The following ESRRG variants were observed in gnomAD, a reference collection of about 807,000 sequenced individuals.
The protein encoded by ESRRG is estrogen-related receptor gamma.
Under a neutral mutation model 44.0 loss-of-function variants are expected in ESRRG, and 13 were observed. The ratio of observed to expected loss-of-function variants is 0.30; its 90% CI spans 0.19 to 0.47. The LOEUF is 0.47. ESRRG is among the 20% of genes least tolerant of loss of function. ESRRG has a pLI of 1.00. For synonymous variants in ESRRG, 215 were observed against 214.6 expected (o/e 1.00, Z -0.02); for missense variants, 395 against 580.6 (o/e 0.68, Z 3.29).
intron 3 of ESRRG, among the ~76,000 whole-genome samples, chr1:216,631,222 A>G (rs533058533): frequency 1.3e-5 from 2 of 152,288 alleles, no homozygotes; most frequent in East Asian, 3.9e-4. Flanking sequence ...CATAAGGCCA[A>G]TTGCATCCCC....
intron 2 of ESRRG, among the ~76,000 whole-genome samples, chr1:216,929,592 C>G (rs142910440): frequency 6.6e-6 from 1 of 152,076 alleles, no homozygotes; most frequent in Non-Finnish European, 1.5e-5. Context: ...ACATTCCAGA[C>G]AGAGAGAATG....
intron 1 of ESRRG, among the ~76,000 whole-genome samples, chr1:217,080,319 A>G (rs2091642158): frequency 6.6e-6 from 1 of 152,122 alleles, no homozygotes; most frequent in African/African-American, 2.4e-5. Flanking sequence ...AGTTGGGTCA[A>G]TTTTACTACC....
At chr1:216,701,129 G>A (rs567401517) in intron 1 of ESRRG, among the ~76,000 whole-genome samples, 570 of 43,638 alleles carry the variant, frequency 0.013, 4 homozygotes, top group African/African-American at 0.041. Flanking sequence ...GCAAGTTTGC[G>A]GAGTTTGGGG....
chr1:217,122,766 G>A (rs897806477), intron 1 of ESRRG, among the ~76,000 whole-genome samples: 1 of 149,450 alleles, frequency 6.7e-6, no homozygotes, highest in Non-Finnish European at 1.5e-5. Flanking sequence ...CGCCTCCTGA[G>A]TTCAAGTGAT....
intron 2 of ESRRG, among the ~76,000 whole-genome samples, chr1:216,835,659 A>G (rs1473709050): frequency 6.6e-6 from 1 of 152,216 alleles, no homozygotes; most frequent in Non-Finnish European, 1.5e-5. Context: ...CAGAGGTGAG[A>G]GAGGAGAGAA....
At chr1:216,565,258 A>G (rs2059482813) in intron 4 of ESRRG, among the ~76,000 whole-genome samples, 1 of 152,194 alleles carries the variant, frequency 6.6e-6, no homozygotes, top group Non-Finnish European at 1.5e-5. Context: ...AGGGGCTGTA[A>G]AGTCTTGGTA....
At chr1:216,926,429 A>C (rs1303848745) in intron 2 of ESRRG, among the ~76,000 whole-genome samples, 1 of 151,000 alleles carries the variant, frequency 6.6e-6, no homozygotes, top group Non-Finnish European at 1.5e-5. Flanking sequence ...AAAAAAAAAA[A>C]ATCACTCCTG....
chr1:216,762,735 A>AAATAAATAAATAAAT (rs2092859972), intron 2 of ESRRG, among the ~76,000 whole-genome samples: 1 of 147,754 alleles, frequency 6.8e-6, no homozygotes, highest in African/African-American at 2.5e-5. Flanking sequence ...AATAAATAAA[A>AAATAAATAAATAAAT]AGAATGAGCA....
intron 5 of ESRRG, among the ~76,000 whole-genome samples, chr1:216,562,002 C>T (rs900452908): frequency 7.9e-5 from 12 of 152,120 alleles, no homozygotes; most frequent in African/African-American, 2.9e-4. Context: ...CACTAGAGCC[C>T]CTTTACTGTG....
chr1:216,769,453 G>T (rs552169684), intron 2 of ESRRG, among the ~76,000 whole-genome samples: 2 of 152,154 alleles, frequency 1.3e-5, no homozygotes, highest in South Asian at 4.2e-4. Flanking sequence ...CATTGGGAAA[G>T]ATCATTTAAG....
chr1:217,102,151 C>G (rs2092524793), intron 1 of ESRRG, among the ~76,000 whole-genome samples: 1 of 152,210 alleles, frequency 6.6e-6, no homozygotes, highest in Non-Finnish European at 1.5e-5. Context: ...GATTTAAACA[C>G]TGCACATGCA....
rs1553593222 is a variant in ESRRG at position 216,768,484 on chromosome 1, A to ATCTATCTATCTATCTG, written c.-13-90994_-13-90993insCAGATAGATAGATAGA. ...TATCTATCTATCTATCTATCTATCT[A>ATCTATCTATCTATCTG]TCTATCTATCTATCTATATTTTAGA... On this transcript the variant is annotated intron_variant, in intron 2 of 7. Coordinates refer to the ESRRG transcript ENST00000359162. Among the ~76,000 whole-genome samples the ATCTATCTATCTATCTG allele has an allele frequency of 9.4e-4, 142 of 151,654 alleles. 1 individual carries two copies. Among genetic ancestry groups the ATCTATCTATCTATCTG allele is most frequent in the African/African-American group, 3.4e-3 (139 of 41,290 alleles).
At chr1:216,616,627 G>C (rs1339288123) in intron 3 of ESRRG, among the ~76,000 whole-genome samples, 1 of 152,130 alleles carries the variant, frequency 6.6e-6, no homozygotes, top group Admixed American at 6.5e-5. Context: ...TGTGAGTTCT[G>C]TCTGGCTCCT....
chr1:216,572,875 G>C (rs74141608), intron 3 of ESRRG, among the ~76,000 whole-genome samples: 4,547 of 151,958 alleles, frequency 0.03, 199 homozygotes, highest in African/African-American at 0.1. Flanking sequence ...ACCATTCCCT[G>C]GACATAGACT....
chr1:216,842,069 C>T (rs2095661962), intron 2 of ESRRG, among the ~76,000 whole-genome samples: 1 of 151,988 alleles, frequency 6.6e-6, no homozygotes, highest in Non-Finnish European at 1.5e-5. Flanking sequence ...AAAAGTAAGG[C>T]CAGAAGATAA....
chr1:217,027,479 A>G (rs775615801), intron 1 of ESRRG, among the ~76,000 whole-genome samples: 2 of 152,142 alleles, frequency 1.3e-5, no homozygotes, highest in Non-Finnish European at 2.9e-5. Context: ...TGGAACCTCT[A>G]TTTCTTCATA....
At chr1:216,914,816 T>C (rs758593642) in intron 2 of ESRRG, among the ~76,000 whole-genome samples, 3 of 152,106 alleles carry the variant, frequency 2.0e-5, no homozygotes, top group Admixed American at 6.6e-5. Context: ...ATAACCACTG[T>C]CTGGGCGGAG....
chr1:216,641,209 G>A (rs1362454266), intron 3 of ESRRG, among the ~76,000 whole-genome samples: 2 of 152,164 alleles, frequency 1.3e-5, no homozygotes, highest in African/African-American at 4.8e-5. Flanking sequence ...AGGGAGCACA[G>A]ATTTATTCAG....
At chr1:216,997,521 C>A (rs528274505) in intron 1 of ESRRG, among the ~76,000 whole-genome samples, 1 of 152,292 alleles carries the variant, frequency 6.6e-6, no homozygotes, top group Non-Finnish European at 1.5e-5. Context: ...AGTCCCCAAC[C>A]TTTGATGTTT....
Sources: gnomAD v4.1 joint callset for allele counts (sites outside exome capture counted in the v4.1 genomes callset) on GRCh38, gnomAD v4.1.1 for gene constraint, MANE v1.5 for transcripts, NCBI Gene and HGNC (gene_info 2026-07-23, HGNC 2026-07-21) for gene names.